DNER: variants seen among roughly 807,000 people sequenced by gnomAD.
DNER encodes the protein delta/notch like EGF repeat containing, also known as delta and Notch-like epidermal growth factor-related receptor.
Under a neutral mutation model 78.2 loss-of-function variants are expected in DNER, and 33 were observed. The ratio of observed to expected loss-of-function variants is 0.42; its 90% CI spans 0.32 to 0.56. The LOEUF is 0.56. Ranked by LOEUF, DNER falls within the 20% of genes least tolerant of loss-of-function variation. The pLI, the probability that DNER is intolerant of heterozygous loss-of-function variation, is 0.11. For synonymous variants in DNER, 417 were observed against 384.8 expected, an observed-to-expected ratio of 1.08 and a Z score of -0.98; for missense variants, 918 against 975.3, an observed-to-expected ratio of 0.94 and a Z score of 0.78.
intron 7 of DNER, among the ~76,000 whole-genome samples, chr2:229,449,064 A>T (rs1164095768): frequency 3.9e-5 from 6 of 152,322 alleles, no homozygotes; most frequent in African/African-American, 1.2e-4. Context: ...TCCTCCAAAA[A>T]AATCCAATGC....
At chr2:229,607,318 G>T (rs1441715694) in intron 1 of DNER, among the ~76,000 whole-genome samples, 1 of 152,120 alleles carries the variant, frequency 6.6e-6, no homozygotes, top group African/African-American at 2.4e-5. Context: ...ATCTGGCATG[G>T]TTCTCGTCGT....
At chr2:229,629,159 A>G (rs932346908) in intron 1 of DNER, among the ~76,000 whole-genome samples, 5 of 152,214 alleles carry the variant, frequency 3.3e-5, no homozygotes, top group Non-Finnish European at 7.3e-5. Context: ...CCAAGCTGCA[A>G]ATTGGCTGCA....
intron 12 of DNER, among the ~76,000 whole-genome samples, chr2:229,363,829 C>T (rs2106325000): frequency 6.6e-6 from 1 of 152,174 alleles, no homozygotes; most frequent in East Asian, 1.9e-4. Context: ...GGATCGTAGC[C>T]ATGGATGCCT....
chr2:229,395,015 C>T (rs1693102312), intron 10 of DNER, among the ~76,000 whole-genome samples: 1 of 152,126 alleles, frequency 6.6e-6, no homozygotes, highest in East Asian at 1.9e-4. Context: ...GAAAATACTC[C>T]TCTTTGTGGG....
At chr2:229,532,619 G>A (rs1345241131) in intron 5 of DNER, among the ~76,000 whole-genome samples, 2 of 152,194 alleles carry the variant, frequency 1.3e-5, no homozygotes, top group Non-Finnish European at 2.9e-5. Flanking sequence ...AAGGTCCCAG[G>A]CCCTGGGTGG....
At chr2:229,375,203 C>CCCCA (rs1459225711) in intron 11 of DNER, among the ~76,000 whole-genome samples, 5 of 152,142 alleles carry the variant, frequency 3.3e-5, no homozygotes, top group Non-Finnish European at 5.9e-5. Flanking sequence ...TGCCCAGAGA[C>CCCCA]TTTTAGTTGT....
chr2:229,372,200 G>T (rs1206366305), intron 11 of DNER, among the ~76,000 whole-genome samples: 1 of 152,244 alleles, frequency 6.6e-6, no homozygotes, highest in Non-Finnish European at 1.5e-5. Flanking sequence ...GGCTCATGTA[G>T]TCCCCAGTTT....
chr2:229,430,107 A>G (rs1187374205), intron 8 of DNER, among the ~76,000 whole-genome samples: 1 of 152,176 alleles, frequency 6.6e-6, no homozygotes, highest in Non-Finnish European at 1.5e-5. Context: ...TCTTTTCTTT[A>G]CCAGTGCCTG....
chr2:229,383,048 A>C (rs1232893818), intron 11 of DNER, among the ~76,000 whole-genome samples: 3 of 152,200 alleles, frequency 2.0e-5, no homozygotes, highest in African/African-American at 4.8e-5. Context: ...AGCCCATCAG[A>C]CTAACGGCAG....
At chr2:229,493,992 C>T (rs10178448) in intron 6 of DNER, among the ~76,000 whole-genome samples, 17 of 152,124 alleles carry the variant, frequency 1.1e-4, no homozygotes, top group Non-Finnish European at 2.1e-4. Flanking sequence ...TCTGGCGCTT[C>T]GGGTTCATAT....
intron 8 of DNER, among the ~76,000 whole-genome samples, chr2:229,420,006 C>T (rs565352279): frequency 6.7e-6 from 1 of 150,180 alleles, no homozygotes; most frequent in African/African-American, 2.5e-5. Context: ...ACAAGACTAT[C>T]CAGAAAAAAA....
chr2:229,534,102 G>A (rs1180246333), intron 5 of DNER, among the ~76,000 whole-genome samples: 1 of 152,194 alleles, frequency 6.6e-6, no homozygotes, highest in African/African-American at 2.4e-5. Flanking sequence ...AGATGGTAAT[G>A]GAACAGACCA....
intron 5 of DNER, among the ~76,000 whole-genome samples, chr2:229,520,378 T>G (rs983200906): frequency 6.6e-6 from 1 of 152,076 alleles, no homozygotes; most frequent in African/African-American, 2.4e-5. Flanking sequence ...GAAAACGAAA[T>G]GGAGATGATT....
In DNER at chr2:229,365,185, T is replaced by C. The variant is rs115758678; in HGVS notation, c.2102+1688A>G. ...AACCCATTGATGAAGGATAAAAATC[T>C]CAGTGAAGAAGGGCAGACGTGTCCC... On this transcript the variant is annotated intron_variant, in intron 12 of 12. Coordinates refer to ENST00000341772, the MANE Select transcript of DNER (RefSeq NM_139072.4). Among the ~76,000 whole-genome samples, 608 of 152,208 alleles carry C rather than the reference T, an allele frequency of 4.0e-3. 1 individual carries two copies. The highest frequency in any genetic ancestry group is 7.4e-3 in the Non-Finnish European group (501 of 68,014).
At chr2:229,569,023 A>C (rs748997182) in intron 4 of DNER, among the ~76,000 whole-genome samples, 7 of 152,032 alleles carry the variant, frequency 4.6e-5, no homozygotes, top group Non-Finnish European at 1.0e-4. Context: ...CTCTGTATGC[A>C]TGTGCCTATG....
At chr2:229,382,787 T>C (rs1174654107) in intron 11 of DNER, among the ~76,000 whole-genome samples, 1 of 152,154 alleles carries the variant, frequency 6.6e-6, no homozygotes. Context: ...CAAACCTGTT[T>C]GATTGGTGTA....
chr2:229,430,112 T>C (rs1559349590), intron 8 of DNER, among the ~76,000 whole-genome samples: 1 of 152,162 alleles, frequency 6.6e-6, no homozygotes, highest in Non-Finnish European at 1.5e-5. Flanking sequence ...TCTTTACCAG[T>C]GCCTGTTTTG....
chr2:229,518,604 A>G (rs967075335), intron 5 of DNER, among the ~76,000 whole-genome samples: 1 of 152,226 alleles, frequency 6.6e-6, no homozygotes, highest in African/African-American at 2.4e-5. Flanking sequence ...TCCTCCACAC[A>G]GTCAAGCTTT....
At chr2:229,650,710 G>A (rs1021302093) in intron 1 of DNER, among the ~76,000 whole-genome samples, 5 of 152,076 alleles carry the variant, frequency 3.3e-5, no homozygotes, top group Admixed American at 1.3e-4. Flanking sequence ...CTGCCAGAAC[G>A]GGCTCTACTT....
Sources: allele counts gnomAD v4.1 joint callset (sites outside exome capture counted in the v4.1 genomes callset), GRCh38; gene constraint gnomAD v4.1.1; transcripts MANE v1.5; gene names NCBI Gene and HGNC (gene_info 2026-07-23, HGNC 2026-07-21).